Variants in PLCXD2 observed in about 807,000 individuals in gnomAD.
PLCXD2 encodes PI-PLC X domain-containing protein 2.
Under a neutral mutation model 28.6 loss-of-function variants are expected in PLCXD2, and 21 were observed. The observed-to-expected ratio is 0.73, with a 90% CI of 0.52 to 1.06. The LOEUF (loss-of-function observed/expected upper bound fraction) is 1.06. PLCXD2 is among the 50% of genes least tolerant of loss of function. PLCXD2 has a pLI of 0.00. For missense variants in PLCXD2, 369 were observed against 376.7 expected, an observed-to-expected ratio of 0.98 and a Z score of 0.17; for synonymous variants, 140 against 150.1, an observed-to-expected ratio of 0.93 and a Z score of 0.49.
intron 1 of PLCXD2, among the ~76,000 whole-genome samples, chr3:111,687,686 T>TTC (rs1278340360): frequency 1.4e-4 from 6 of 43,754 alleles, no homozygotes; most frequent in African/African-American, 2.5e-4. Flanking sequence ...CTTTCTTTCT[T>TTC]TTTTTTTTTT....
At chr3:111,717,135 G>A (rs1941277549) in intron 3 of PLCXD2, among the ~76,000 whole-genome samples, 1 of 152,138 alleles carries the variant, frequency 6.6e-6, no homozygotes, top group African/African-American at 2.4e-5. Context: ...GCAACAGGGT[G>A]GCCGTGGACA....
chr3:111,709,846 C>G (rs561718970), intron 2 of PLCXD2, among the ~76,000 whole-genome samples: 1 of 152,178 alleles, frequency 6.6e-6, no homozygotes, highest in African/African-American at 2.4e-5. Flanking sequence ...CCTTCACTCA[C>G]TCTAAGCGAG....
rs1482382970 is a variant in PLCXD2 at position 111,692,290 on chromosome 3, G to A, written c.164-15636G>A. ...GATCTCCTGACCTTGTGATCCGCCC[G>A]CCTCGGCCTCCCAAAGTGCTGGGAT... On this transcript the variant is annotated intron_variant, in intron 1 of 4. Transcript: ENST00000477665. Among the ~76,000 whole-genome samples the A allele has an allele frequency of 2.6e-5, 4 of 152,202 alleles. No homozygotes were observed. In the East Asian group the frequency reaches 5.8e-4, roughly 22 times the overall value.
At chr3:111,701,521 A>G (rs1261044785) in intron 1 of PLCXD2, among the ~76,000 whole-genome samples, 1 of 152,194 alleles carries the variant, frequency 6.6e-6, no homozygotes, top group Non-Finnish European at 1.5e-5. Context: ...TATTGAAGAC[A>G]ATTCTAAACC....
intron 1 of PLCXD2, among the ~76,000 whole-genome samples, chr3:111,698,687 A>G (rs1242344924): frequency 6.6e-6 from 1 of 152,164 alleles, no homozygotes; most frequent in African/African-American, 2.4e-5. Context: ...TATGGATGGG[A>G]GGGAAACATT....
Position 111,707,982 on chromosome 3 carries a change from C to A in PLCXD2, c.220C>A (p.Gln74Lys). ...TGAAAAGTCCCCAGTGGGGCCTGAC[C>A]AAACCCAAGCTATCAAACGCCTCGC... The change falls in exon 2 of 5, where the codon CAA becomes AAA. Residue 74 changes from glutamine (Q) to lysine (K), a missense_variant. Transcript: ENST00000477665. The A allele has an allele frequency of 1.9e-6, 3 of 1,614,082 alleles. No individual in the cohort carries two copies. Among genetic ancestry groups the A allele is most frequent in the Non-Finnish European group, 2.5e-6 (3 of 1,180,008 alleles).
intron 1 of PLCXD2, among the ~76,000 whole-genome samples, chr3:111,695,723 G>A (rs1279002405): frequency 6.6e-6 from 1 of 152,216 alleles, no homozygotes; most frequent in Non-Finnish European, 1.5e-5. Context: ...AGATGGCTAA[G>A]TGACTAATGG....
chr3:111,701,535 A>T (rs1216490021), intron 1 of PLCXD2, among the ~76,000 whole-genome samples: 1 of 152,190 alleles, frequency 6.6e-6, no homozygotes, highest in African/African-American at 2.4e-5. Flanking sequence ...CTAAACCCCC[A>T]GTGTTGAGTT....
rs761605290 is a variant in PLCXD2, at chr3:111,707,914, T to G, written c.164-12T>G. On this transcript the variant is annotated splice_polypyrimidine_tract_variant and intron_variant, in intron 1 of 4. Transcript: ENST00000477665. ...TCTCATCTGCTTTCCTCACCTGTAT[T>G]CCTTTGTACAGGCTCACATGATTCA... 4 of 1,600,538 alleles carry G rather than the reference T, an allele frequency of 2.5e-6. No individual in the cohort carries two copies. The South Asian group carries it at 3.4e-5, about 13-fold the overall frequency.
chr3:111,692,907 G>C (rs1047987348), intron 1 of PLCXD2, among the ~76,000 whole-genome samples: 1 of 152,140 alleles, frequency 6.6e-6, no homozygotes, highest in Admixed American at 6.5e-5. Flanking sequence ...GATACAAGGA[G>C]ACTTGACCTT....
At chr3:111,720,225 TCAGA>T (rs1941326550) in intron 3 of PLCXD2, among the ~76,000 whole-genome samples, 1 of 152,228 alleles carries the variant, frequency 6.6e-6, no homozygotes, top group Admixed American at 6.5e-5. Flanking sequence ...TTCTTTTTTT[TCAGA>T]CAGAGTCTCA....
At chr3:111,684,520 G>T (rs1940765023) in intron 1 of PLCXD2, among the ~76,000 whole-genome samples, 1 of 151,910 alleles carries the variant, frequency 6.6e-6, no homozygotes, top group Non-Finnish European at 1.5e-5. Context: ...CAGGCATGAT[G>T]GCGGGCGTCT....
intron 1 of PLCXD2, among the ~76,000 whole-genome samples, chr3:111,676,465 A>G (rs1301669414): frequency 2.6e-5 from 4 of 152,094 alleles, no homozygotes; most frequent in Non-Finnish European, 4.4e-5. Context: ...GTGCATGAGG[A>G]AGAGCAGTGG....
In PLCXD2 at chr3:111,720,217, C is replaced by CT. The variant is rs200267222; in HGVS notation, c.866+6097dup. Among the ~76,000 whole-genome samples, 473 of 151,786 alleles carry CT rather than the reference C, an allele frequency of 3.1e-3. 6 individuals carry two copies. Among genetic ancestry groups the CT allele is most frequent in the African/African-American group, 0.011 (442 of 41,400 alleles). On this transcript the variant is annotated intron_variant, in intron 3 of 4. Transcript: ENST00000477665. ...GTCTTAGTTTTTCTTTTTCTTTTTT[C>CT]TTTTTTTTCAGACAGAGTCTCACTC...
At chr3:111,694,891 C>T (rs967197993) in intron 1 of PLCXD2, among the ~76,000 whole-genome samples, 4 of 152,130 alleles carry the variant, frequency 2.6e-5, no homozygotes, top group African/African-American at 9.7e-5. Flanking sequence ...GAAACTTGGC[C>T]TGCTGATTTT....
Position 111,714,060 on chromosome 3 carries a change from C to T in PLCXD2, c.798C>T (p.Ile266=), listed in dbSNP as rs1941236140. 6.2e-7 allele frequency: 1 copy of T among 1,614,172 alleles called. No homozygotes were observed. The highest frequency in any genetic ancestry group is 8.5e-7 in the Non-Finnish European group (1 of 1,180,036). The change falls in exon 3 of 5, where the codon ATC becomes ATT. Residue 266 remains isoleucine, a synonymous_variant. Coordinates refer to ENST00000477665, the MANE Select transcript of PLCXD2 (RefSeq NM_001185106.1). ...GCTCCTTCCATGTCTCCCAAGCGAT[C>T]CTCACCCCCAGAGTGAAGACCATTG... is the stretch of plus-strand genomic sequence containing the variant.
At position 111,714,013 on chromosome 3, in the gene PLCXD2, C is replaced by A; in HGVS notation, c.751C>A (p.Leu251Met). The A allele has an allele frequency of 6.2e-7, 1 of 1,614,174 alleles. No individual in the cohort carries two copies. The highest frequency in any genetic ancestry group is 1.1e-5 in the South Asian group (1 of 91,084). The change falls in exon 3 of 5, where the codon CTG becomes ATG. Residue 251 changes from leucine to methionine, a missense_variant. Transcript: ENST00000477665. ...ACTAATCCTCTTCTTGGAGACCACT[C>A]TGAGTGAGCGGGCCTCACGGGGCTC... is the stretch of plus-strand genomic sequence containing the variant.
intron 2 of PLCXD2, among the ~76,000 whole-genome samples, chr3:111,709,926 GA>G (rs1168714502): frequency 6.6e-6 from 1 of 152,200 alleles, no homozygotes. Context: ...GCAATACTAG[GA>G]AGAGACCAGG....
Position 111,714,098 on chromosome 3 carries a change from T to C in PLCXD2, c.836T>C (p.Val279Ala). 1 of 1,614,062 alleles carries C rather than the reference T, an allele frequency of 6.2e-7. No homozygotes were observed. ...GTGAAGACCATTGCCCGGGGCTTGG[T>C]TGGGGGCCTCAAGAACACGCTGGTT... Residue 279 changes from valine (V) to alanine (A), a missense_variant, in exon 3 of 5, where the codon GTT becomes GCT. By Grantham distance (64) the Val-to-Ala change is moderately conservative. Transcript: ENST00000477665.
Sources: allele counts gnomAD v4.1 joint callset (sites outside exome capture counted in the v4.1 genomes callset), GRCh38; gene constraint gnomAD v4.1.1; transcripts MANE v1.5; gene names NCBI Gene and HGNC (gene_info 2026-07-23, HGNC 2026-07-21).